Variants in CNTN5 observed in about 807,000 individuals in gnomAD.
The protein encoded by CNTN5 is contactin-5.
A neutral mutation model predicts 129.1 loss-of-function variants in CNTN5; 77 were observed. The observed-to-expected ratio is 0.60, with a 90% CI of 0.50 to 0.72. The LOEUF is 0.72. Ranked by LOEUF, CNTN5 falls within the 30% of genes least tolerant of loss-of-function variation. The pLI is 0.00. For synonymous variants in CNTN5, 509 were observed against 465.6 expected (o/e 1.09, Z -1.20); for missense variants, 1,478 against 1,328.8 (o/e 1.11, Z -1.75).
At chr11:100,255,090 T>A (rs1214220675) in intron 16 of CNTN5, among the ~76,000 whole-genome samples, 1 of 152,116 alleles carries the variant, frequency 6.6e-6, no homozygotes, top group Non-Finnish European at 1.5e-5. Flanking sequence ...AGGGAATTAA[T>A]CCTCCTTTAT....
At chr11:100,045,851 G>A (rs1050480588) in intron 9 of CNTN5, among the ~76,000 whole-genome samples, 24 of 151,940 alleles carry the variant, frequency 1.6e-4, no homozygotes, top group East Asian at 5.8e-4. Context: ...AGATTTATTC[G>A]CCCACCAAAA....
chr11:100,001,259 G>A (rs1162188530), intron 8 of CNTN5, among the ~76,000 whole-genome samples: 5 of 152,190 alleles, frequency 3.3e-5, no homozygotes, highest in African/African-American at 1.2e-4. Context: ...AGAGACGAGA[G>A]AGAACAGGGA....
chr11:100,337,168 C>A (rs1952054695), intron 21 of CNTN5: 1 of 1,456,418 alleles, frequency 6.9e-7, no homozygotes, highest in African/African-American at 1.4e-5. Context: ...GAATGTTCAC[C>A]AGTGGGTTGA....
chr11:99,976,375 C>T (rs1009377494), intron 8 of CNTN5, among the ~76,000 whole-genome samples: 5 of 152,232 alleles, frequency 3.3e-5, no homozygotes, highest in Non-Finnish European at 7.3e-5. Flanking sequence ...CACTGGGCAG[C>T]ATCCCAGTGG....
intron 2 of CNTN5, among the ~76,000 whole-genome samples, chr11:99,483,255 T>C (rs1945676768): frequency 6.6e-6 from 1 of 150,532 alleles, no homozygotes; most frequent in Non-Finnish European, 1.5e-5. Context: ...AGGGCCAAGC[T>C]GGCAACTTGA....
At chr11:99,655,288 A>G (rs890099084) in intron 3 of CNTN5, among the ~76,000 whole-genome samples, 1 of 152,142 alleles carries the variant, frequency 6.6e-6, no homozygotes, top group Non-Finnish European at 1.5e-5. Context: ...GGATGTGAAC[A>G]GTATCTAGTG....
At chr11:100,286,049 G>A (rs1055492472) in intron 18 of CNTN5, among the ~76,000 whole-genome samples, 52 of 152,142 alleles carry the variant, frequency 3.4e-4, no homozygotes, top group Admixed American at 7.8e-4. Flanking sequence ...TTTTCCGATA[G>A]GCTTAAAAAA....
At chr11:99,893,091 A>T (rs1199758999) in intron 6 of CNTN5, among the ~76,000 whole-genome samples, 1 of 152,196 alleles carries the variant, frequency 6.6e-6, no homozygotes, top group Non-Finnish European at 1.5e-5. Flanking sequence ...ACTGAGATCA[A>T]CACTGAAATA....
At chr11:99,840,682 G>A (rs1947459032) in intron 4 of CNTN5, among the ~76,000 whole-genome samples, 1 of 152,110 alleles carries the variant, frequency 6.6e-6, no homozygotes, top group African/African-American at 2.4e-5. Flanking sequence ...TTAACATTGT[G>A]TGTGATGACA....
intron 3 of CNTN5, among the ~76,000 whole-genome samples, chr11:99,769,830 C>G (rs60925055): frequency 7.7e-6 from 1 of 129,908 alleles, no homozygotes; most frequent in Non-Finnish European, 1.7e-5. Flanking sequence ...AAAAAAAAAA[C>G]AATCTGATTT....
chr11:100,226,111 C>G (rs763391418), intron 16 of CNTN5, among the ~76,000 whole-genome samples: 6 of 152,026 alleles, frequency 3.9e-5, no homozygotes, highest in Non-Finnish European at 7.4e-5. Flanking sequence ...TTATAAAACA[C>G]CAACTTTTTA....
chr11:99,356,674 T>A (rs1224438286), intron 2 of CNTN5, among the ~76,000 whole-genome samples: 2 of 152,148 alleles, frequency 1.3e-5, no homozygotes, highest in African/African-American at 4.8e-5. Flanking sequence ...TAAGAGTCAA[T>A]AAATATAATT....
chr11:99,210,673 G>C (rs959765731), intron 1 of CNTN5, among the ~76,000 whole-genome samples: 1 of 152,028 alleles, frequency 6.6e-6, no homozygotes, highest in Admixed American at 6.6e-5. Context: ...CGTAATTTTT[G>C]TTTAAATCAA....
intron 1 of CNTN5, among the ~76,000 whole-genome samples, chr11:99,031,511 G>A (rs913215198): frequency 2.0e-5 from 3 of 151,740 alleles, no homozygotes; most frequent in Non-Finnish European, 2.9e-5. Context: ...GGAACTATTG[G>A]ATAGAGAGGA....
intron 1 of CNTN5, among the ~76,000 whole-genome samples, chr11:99,038,560 C>T (rs892156914): frequency 2.6e-5 from 4 of 152,036 alleles, no homozygotes; most frequent in South Asian, 4.1e-4. Context: ...TCCATTGACT[C>T]AATGAATTTT....
At chr11:100,165,999 CATAAA>C (rs954664256) in intron 13 of CNTN5, among the ~76,000 whole-genome samples, 3 of 151,666 alleles carry the variant, frequency 2.0e-5, no homozygotes, top group African/African-American at 7.3e-5. Flanking sequence ...TACTCTGTCT[CATAAA>C]AGAGTAGTTT....
chr11:99,790,156 G>C (rs922879107), intron 3 of CNTN5, among the ~76,000 whole-genome samples: 1 of 151,918 alleles, frequency 6.6e-6, no homozygotes, highest in Non-Finnish European at 1.5e-5. Context: ...GTATTCTATG[G>C]TGTACATGTG....
chr11:99,159,189 A>G (rs1244479735), intron 1 of CNTN5, among the ~76,000 whole-genome samples: 1 of 152,242 alleles, frequency 6.6e-6, no homozygotes, highest in African/African-American at 2.4e-5. Context: ...TAACAAATGT[A>G]TATTTCCTGA....
At chr11:99,662,404 G>C (rs989414515) in intron 3 of CNTN5, among the ~76,000 whole-genome samples, 1 of 152,120 alleles carries the variant, frequency 6.6e-6, no homozygotes. Context: ...ATGTAAAACA[G>C]CATGGATAAT....
Sources: allele counts gnomAD v4.1 joint callset (sites outside exome capture counted in the v4.1 genomes callset), GRCh38; gene constraint gnomAD v4.1.1; transcripts MANE v1.5; gene names NCBI Gene and HGNC (gene_info 2026-07-23, HGNC 2026-07-21).